DPYD: variants seen among roughly 807,000 people sequenced by gnomAD.
The protein encoded by DPYD is dihydropyrimidine dehydrogenase, also known as dihydropyrimidine dehydrogenase [NADP(+)].
Under a neutral mutation model 116.2 loss-of-function variants are expected in DPYD, and 109 were observed. That is an observed-to-expected ratio of 0.94 (90% CI 0.80 to 1.10). DPYD has a LOEUF of 1.10. DPYD is among the 50% of genes least tolerant of loss of function. The pLI, the probability that DPYD is intolerant of heterozygous loss-of-function variation, is 0.00. For synonymous variants in DPYD, 440 were observed against 432.0 expected (o/e 1.02, Z -0.23); for missense variants, 1,302 against 1,254.5 (o/e 1.04, Z -0.57).
intron 4 of DPYD, among the ~76,000 whole-genome samples, chr1:97,730,162 T>A (rs1663507757): frequency 6.6e-6 from 1 of 152,152 alleles, no homozygotes; most frequent in African/African-American, 2.4e-5. Context: ...ATCAACCCCT[T>A]TTGGCTGTAA....
chr1:97,438,872 T>G (rs2101753223), intron 14 of DPYD, among the ~76,000 whole-genome samples: 1 of 152,206 alleles, frequency 6.6e-6, no homozygotes, highest in Admixed American at 6.5e-5. Context: ...TTGCAGTCTT[T>G]TATTTTTTTC....
chr1:97,594,434 A>C (rs1217445265), intron 9 of DPYD, among the ~76,000 whole-genome samples: 1 of 152,206 alleles, frequency 6.6e-6, no homozygotes, highest in Non-Finnish European at 1.5e-5. Context: ...GAAGCATAAA[A>C]GTTTGTATCA....
chr1:97,628,792 C>A (rs531243379), intron 8 of DPYD, among the ~76,000 whole-genome samples: 33 of 152,102 alleles, frequency 2.2e-4, no homozygotes, highest in African/African-American at 7.7e-4. Context: ...GAATGTACTA[C>A]GTACTAGTAA....
chr1:97,728,631 T>C (rs1663401188), intron 4 of DPYD, among the ~76,000 whole-genome samples: 1 of 152,076 alleles, frequency 6.6e-6, no homozygotes, highest in Non-Finnish European at 1.5e-5. Context: ...CCTTCCAAGA[T>C]AAACTCCAAT....
chr1:97,887,384 C>T (rs1051443293), intron 1 of DPYD, among the ~76,000 whole-genome samples: 1 of 143,964 alleles, frequency 6.9e-6, no homozygotes, highest in South Asian at 2.3e-4. Context: ...GCAGGAGGAT[C>T]GCTTGAGCCT....
chr1:97,527,323 T>G (rs2786513), intron 12 of DPYD, among the ~76,000 whole-genome samples: 1 of 151,976 alleles, frequency 6.6e-6, no homozygotes, highest in South Asian at 2.1e-4. Context: ...GTGATCTGCC[T>G]GCCTTGGCCT....
At chr1:97,697,779 T>C (rs1449560006) in intron 6 of DPYD, among the ~76,000 whole-genome samples, 2 of 152,014 alleles carry the variant, frequency 1.3e-5, no homozygotes, top group African/African-American at 4.8e-5. Context: ...AAAAAAGAGA[T>C]AGGCTAACAA....
intron 16 of DPYD, among the ~76,000 whole-genome samples, chr1:97,325,941 C>A (rs541245562): frequency 6.6e-6 from 1 of 151,800 alleles, no homozygotes; most frequent in South Asian, 2.1e-4. Flanking sequence ...TGTGCCTTAT[C>A]CTTTAGGCAA....
intron 13 of DPYD, among the ~76,000 whole-genome samples, chr1:97,467,073 T>C (rs780516326): frequency 4.7e-4 from 72 of 152,158 alleles, no homozygotes; most frequent in Non-Finnish European, 7.9e-4. Context: ...AACAGTAGCT[T>C]AAAACAATAG....
At chr1:97,563,932 C>T (rs775514450) in intron 11 of DPYD, among the ~76,000 whole-genome samples, 21 of 152,058 alleles carry the variant, frequency 1.4e-4, no homozygotes, top group Non-Finnish European at 2.6e-4. Flanking sequence ...TCATCCTCAC[C>T]CTGCACAACA....
chr1:97,360,574 T>C (rs1257611058), intron 16 of DPYD, among the ~76,000 whole-genome samples: 1 of 152,022 alleles, frequency 6.6e-6, no homozygotes, highest in Non-Finnish European at 1.5e-5. Flanking sequence ...CCTCAGCAAA[T>C]GGAAAAGAAC....
intron 3 of DPYD, among the ~76,000 whole-genome samples, chr1:97,788,536 C>T (rs1235476944): frequency 6.6e-6 from 1 of 152,188 alleles, no homozygotes; most frequent in Non-Finnish European, 1.5e-5. Context: ...ACGAACTACC[C>T]ACTGAGTCCA....
intron 19 of DPYD, among the ~76,000 whole-genome samples, chr1:97,210,238 G>T (rs150011105): frequency 1.4e-3 from 214 of 152,216 alleles, no homozygotes; most frequent in African/African-American, 5.1e-3. Context: ...AATAAATGTA[G>T]AGCGTTTTTT....
chr1:97,699,641 T>C (rs994364269), intron 5 of DPYD, 94 bp from the exon 6 acceptor site: 3 of 1,226,950 alleles, frequency 2.4e-6, no homozygotes, highest in Non-Finnish European at 3.6e-6. Flanking sequence ...TTGTTTTAAA[T>C]AGCAATGAGC....
At chr1:97,803,972 T>C (rs1189375213) in intron 3 of DPYD, among the ~76,000 whole-genome samples, 1 of 151,870 alleles carries the variant, frequency 6.6e-6, no homozygotes, top group Non-Finnish European at 1.5e-5. Context: ...TTTGAAAATA[T>C]TTTGTCACTG....
intron 14 of DPYD, among the ~76,000 whole-genome samples, chr1:97,435,611 A>G (rs7552708): frequency 2.0e-3 from 307 of 151,804 alleles, no homozygotes; most frequent in African/African-American, 7.0e-3. Context: ...ATCAAAAATA[A>G]CAATTAAAAA....
rs58771302 is a variant in DPYD, at chr1:97,158,472, G to GACACACACACACAC, written c.2622+34583_2622+34596dup. The stretch of plus-strand genomic sequence containing the variant: ...GGCTTCTCCTGCAGATAACTCACCA[G>GACACACACACACAC]ACACACACACACACACACACACACA... On this transcript the variant is annotated intron_variant, in intron 20 of 22. Coordinates refer to ENST00000370192, the MANE Select transcript of DPYD (RefSeq NM_000110.4). Among the ~76,000 whole-genome samples the GACACACACACACAC allele has an allele frequency of 6.6e-3, 741 of 112,070 alleles. 27 individuals carry two copies. Among genetic ancestry groups the GACACACACACACAC allele is most frequent in the Non-Finnish European group, 8.8e-3 (476 of 54,382 alleles). The allele number at this position is 112,070 out of a possible 152,430, so 73.5% of individuals were successfully genotyped here.
At chr1:97,257,710 A>T (rs968707967) in intron 18 of DPYD, among the ~76,000 whole-genome samples, 1 of 152,012 alleles carries the variant, frequency 6.6e-6, no homozygotes, top group Non-Finnish European at 1.5e-5. Flanking sequence ...GACATTAAAA[A>T]CCAAATATTT....
At chr1:97,306,066 T>C (rs1298384936) in intron 17 of DPYD, 111 bp downstream of exon 17, 34 of 1,569,040 alleles carry the variant, frequency 2.2e-5, no homozygotes, top group Non-Finnish European at 2.9e-5. Context: ...ACTTTTAAAA[T>C]TGAGACAAAA....
Sources: gnomAD v4.1 joint callset for allele counts (sites outside exome capture counted in the v4.1 genomes callset) on GRCh38, gnomAD v4.1.1 for gene constraint, MANE v1.5 for transcripts, NCBI Gene and HGNC (gene_info 2026-07-23, HGNC 2026-07-21) for gene names.